Variants in RFTN1 observed in about 807,000 individuals in gnomAD.
RFTN1 encodes the protein raftlin.
In RFTN1, 26 loss-of-function variants were observed where a neutral mutation model predicts 46.5. That is an observed-to-expected ratio of 0.56 (90% CI 0.41 to 0.78). The LOEUF is 0.78. RFTN1 is among the 30% of genes least tolerant of loss of function. RFTN1 has a pLI of 0.00. For synonymous variants in RFTN1, 261 were observed against 284.2 expected, an observed-to-expected ratio of 0.92 and a Z score of 0.82; for missense variants, 693 against 718.7, an observed-to-expected ratio of 0.96 and a Z score of 0.41.
chr3:16,493,586 C>T (rs538431200), intron 2 of RFTN1, 139 bp downstream of exon 2: 13 of 788,782 alleles, frequency 1.6e-5, no homozygotes, highest in Non-Finnish European at 2.4e-5. Context: ...CTCTGTAAGC[C>T]GCCCCCTTGA....
rs1442907612 is a variant in RFTN1 at position 16,425,659 on chromosome 3, G to A, written c.332+8192C>T. ...GTAACTCGGCAAGCCATTTAGGAGT[G>A]TGGATTGGAAAAAATTCTTTCCCCC... On this transcript the variant is annotated intron_variant, in intron 3 of 9. Transcript: ENST00000334133. The surrounding 1 kb of genome is among the most constrained non-coding windows in gnomAD (Gnocchi z 4.3). 6.6e-6 allele frequency among the ~76,000 whole-genome samples: 1 copy of A among 152,068 alleles called. No homozygotes were observed.
chr3:16,495,212 C>G (rs1386923721), intron 1 of RFTN1, among the ~76,000 whole-genome samples: 1 of 152,238 alleles, frequency 6.6e-6, no homozygotes, highest in Non-Finnish European at 1.5e-5. Context: ...TTGTAAAATA[C>G]TCTGTAGTTC....
At chr3:16,333,054 C>T (rs1355795089) in intron 7 of RFTN1, among the ~76,000 whole-genome samples, 1 of 152,220 alleles carries the variant, frequency 6.6e-6, no homozygotes, top group African/African-American at 2.4e-5. Context: ...ATTGAACTTG[C>T]AGCCAACAGC....
In RFTN1 at chr3:16,376,976, G is replaced by A. The variant is rs1157002346; in HGVS notation, c.826+742C>T. On this transcript the variant is annotated intron_variant, in intron 5 of 9. Transcript: ENST00000334133. The surrounding 1 kb of genome is among the most constrained non-coding windows in gnomAD (Gnocchi z 4.7). The stretch of plus-strand genomic sequence containing the variant: ...CCCTCCTAAGCCCTGGGGGTCTTCT[G>A]TTAGTTTTCATACTTGTTCTTACTT... Among the ~76,000 whole-genome samples the A allele has an allele frequency of 6.6e-6, 1 of 152,048 alleles. No homozygotes were observed. Among genetic ancestry groups the A allele is most frequent in the Non-Finnish European group, 1.5e-5 (1 of 67,998 alleles).
chr3:16,326,114 G>T (rs2069663760), intron 8 of RFTN1, among the ~76,000 whole-genome samples: 1 of 152,260 alleles, frequency 6.6e-6, no homozygotes, highest in African/African-American at 2.4e-5. Context: ...CACAGGGCAA[G>T]ACTAATTTGG....
intron 4 of RFTN1, among the ~76,000 whole-genome samples, chr3:16,391,136 C>T (rs1297026766): frequency 2.0e-5 from 3 of 152,114 alleles, no homozygotes; most frequent in African/African-American, 4.8e-5. Context: ...TCACCCTCAT[C>T]CCTAACATCT....
chr3:16,339,152 A>G (rs1323214176), intron 7 of RFTN1, among the ~76,000 whole-genome samples: 1 of 152,202 alleles, frequency 6.6e-6, no homozygotes, highest in African/African-American at 2.4e-5. Flanking sequence ...CTCTCTCCCT[A>G]ACTTTCTCTG....
chr3:16,317,596 A>G lies in RFTN1; in HGVS notation c.1333-364T>C, dbSNP rs936571602. On this transcript the variant is annotated intron_variant, in intron 9 of 9. Transcript: ENST00000334133. The surrounding 1 kb of genome is among the most constrained non-coding windows in gnomAD (Gnocchi z 4.3). ...AGATGTGAGGCCTGCCCCCAGTAAG[A>G]GCCAGAGCTGCAGCTACTCATTTCC... is the stretch of plus-strand genomic sequence containing the variant. Among the ~76,000 whole-genome samples, 1 of 152,168 alleles carries G rather than the reference A, an allele frequency of 6.6e-6. No homozygotes were observed. Among genetic ancestry groups the G allele is most frequent in the African/African-American group, 2.4e-5 (1 of 41,442 alleles).
rs1315274831 is a variant in RFTN1, at chr3:16,387,985, A to T, written c.442-9883T>A. On this transcript the variant is annotated intron_variant, in intron 4 of 9. Transcript: ENST00000334133. This position sits in a 1 kb window ranked among gnomAD's most constrained non-coding sequence, Gnocchi z 5.2. Reference sequence around the variant, plus strand: ...CTCACAGCAGCCAGGCTGGTATCTGAAAGATGTGAGCCAGTTAAGGCTGCT... The same window carrying T: ...CTCACAGCAGCCAGGCTGGTATCTGTAAGATGTGAGCCAGTTAAGGCTGCT... Among the ~76,000 whole-genome samples the T allele has an allele frequency of 6.6e-6, 1 of 152,056 alleles. No homozygotes were observed. Among genetic ancestry groups the T allele is most frequent in the Non-Finnish European group, 1.5e-5 (1 of 68,012 alleles).
rs530099946 is a variant in RFTN1, at chr3:16,344,294, C to G, written c.1146+13638G>C. ...GTTTAAGAAGTCAGGGAAACCTACT[C>G]AAAAAAGAAAGTGGATTAGATCAGT... On this transcript the variant is annotated intron_variant, in intron 7 of 9. Transcript: ENST00000334133. The surrounding 1 kb of genome is among the most constrained non-coding windows in gnomAD (Gnocchi z 4.4). 1.2e-3 allele frequency among the ~76,000 whole-genome samples: 187 copies of G among 149,656 alleles called. 1 individual carries two copies. Among genetic ancestry groups the G allele is most frequent in the African/African-American group, 4.3e-3 (176 of 40,778 alleles).
chr3:16,501,823 T>C (rs1385537056), intron 1 of RFTN1, among the ~76,000 whole-genome samples: 1 of 152,256 alleles, frequency 6.6e-6, no homozygotes, highest in Non-Finnish European at 1.5e-5. Context: ...GACTTTTTGC[T>C]GTCCTGCAAC....
chr3:16,442,091 C>T lies in RFTN1; in HGVS notation c.146-8054G>A, dbSNP rs983981082. On this transcript the variant is annotated intron_variant, in intron 2 of 9. Transcript: ENST00000334133. The surrounding 1 kb of genome is among the most constrained non-coding windows in gnomAD (Gnocchi z 4.1). ...GGGCTTTAAAAATTTAGACTTCTGT[C>T]ATCTTCTCATTAAACAAACTCATGT... Among the ~76,000 whole-genome samples, 2 of 152,124 alleles carry T rather than the reference C, an allele frequency of 1.3e-5. No individual in the cohort carries two copies. The highest frequency in any genetic ancestry group is 2.9e-5 in the Non-Finnish European group (2 of 68,010).
chr3:16,443,398 C>T lies in RFTN1; in HGVS notation c.146-9361G>A, dbSNP rs996722754. 1.1e-4 allele frequency among the ~76,000 whole-genome samples: 16 copies of T among 152,212 alleles called. No homozygotes were observed. The highest frequency in any genetic ancestry group is 2.1e-4 in the Non-Finnish European group (14 of 68,006). ...TCCTTGGGAGATATGTCTATTCAAG[C>T]CCTCTGCCCATTTTTCAAGTTGGGT... is the stretch of plus-strand genomic sequence containing the variant. On this transcript the variant is annotated intron_variant, in intron 2 of 9. Transcript: ENST00000334133. This position sits in a 1 kb window ranked among gnomAD's most constrained non-coding sequence, Gnocchi z 5.5.
chr3:16,369,081 C>T (rs1363515144), intron 6 of RFTN1, among the ~76,000 whole-genome samples: 5 of 152,192 alleles, frequency 3.3e-5, no homozygotes, highest in Admixed American at 2.6e-4. Context: ...AGACTCGCAT[C>T]CAAAATTAAG....
intron 6 of RFTN1, 151 bp from the exon 7 acceptor site, chr3:16,358,198 CAT>C (rs1336656097): frequency 3.2e-6 from 2 of 619,552 alleles, no homozygotes; most frequent in East Asian, 2.7e-5. Flanking sequence ...ACACACAAGC[CAT>C]AGAGTCTATC....
chr3:16,505,682 G>C (rs957104630), intron 1 of RFTN1, among the ~76,000 whole-genome samples: 1 of 152,186 alleles, frequency 6.6e-6, no homozygotes, highest in Admixed American at 6.5e-5. Flanking sequence ...CCACCCACAT[G>C]ATGGAGGGTG....
chr3:16,326,780 T>G lies in RFTN1; in HGVS notation c.1243A>C (p.Thr415Pro). 1 of 1,613,610 alleles carries G rather than the reference T, an allele frequency of 6.2e-7. No homozygotes were observed. Among genetic ancestry groups the G allele is most frequent in the Non-Finnish European group, 8.5e-7 (1 of 1,179,526 alleles). ...TCVLPTPVVK[T>P]TSEGSVSTKQ... ...GATTACTGTTATTGTTACCTGGTAGTCTTGACGACGGGAGTTGGTAGCACA... is the reference window on the plus strand; with the variant it reads ...GATTACTGTTATTGTTACCTGGTAGGCTTGACGACGGGAGTTGGTAGCACA... The change falls in exon 8 of 10, where the codon ACT (threonine) becomes CCT (proline). Residue 415 changes from threonine to proline, a missense_variant. Thr to Pro is a conservative substitution (Grantham distance 38, BLOSUM62 -1). Coordinates refer to ENST00000334133, the MANE Select transcript of RFTN1 (RefSeq NM_015150.2).
chr3:16,373,664 A>G (rs2073618847), intron 5 of RFTN1, among the ~76,000 whole-genome samples: 1 of 152,142 alleles, frequency 6.6e-6, no homozygotes, highest in Admixed American at 6.5e-5. Context: ...AAGAGTTTAG[A>G]GCCTGGGTGA....
chr3:16,497,056 G>A (rs761928930), intron 1 of RFTN1, among the ~76,000 whole-genome samples: 1 of 152,142 alleles, frequency 6.6e-6, no homozygotes, highest in Non-Finnish European at 1.5e-5. Context: ...AAGCTGGGGT[G>A]CCAGTTACCC....
Sources: gnomAD v4.1 joint callset for allele counts (sites outside exome capture counted in the v4.1 genomes callset) on GRCh38, gnomAD v4.1.1 for gene constraint, Gnocchi (gnomAD v3.1) non-coding constraint, MANE v1.5 for transcripts, NCBI Gene and HGNC (gene_info 2026-07-23, HGNC 2026-07-21) for gene names.